Variants in IPP observed in about 807,000 individuals in gnomAD.
IPP encodes actin-binding protein IPP.
A neutral mutation model predicts 64.1 loss-of-function variants in IPP; 41 were observed. The ratio of observed to expected loss-of-function variants is 0.64; its 90% confidence interval spans 0.50 to 0.83. The LOEUF is 0.83. IPP is among the 40% of genes least tolerant of loss of function. The pLI is 0.00. For synonymous variants in IPP, 214 were observed against 235.2 expected (o/e 0.91, Z 0.83); for missense variants, 649 against 703.0 (o/e 0.92, Z 0.87).
chr1:45,732,380 A>AAAAAAAAC (rs1491248626), intron 3 of IPP, among the ~76,000 whole-genome samples: 1 of 147,460 alleles, frequency 6.8e-6, no homozygotes, highest in Admixed American at 6.8e-5. Context: ...AAAAAAAAAA[A>AAAAAAAAC]CACAAAAAAC....
rs1387112427 is a variant in IPP, at chr1:45,741,712, T to C, written c.293-380A>G. 2.7e-5 allele frequency among the ~76,000 whole-genome samples: 2 copies of C among 74,552 alleles called. 1 individual carries two copies. The highest frequency in any genetic ancestry group is 6.0e-5 in the Non-Finnish European group (2 of 33,346). The allele number at this position is 74,552 out of a possible 152,430, so 48.9% of individuals were successfully genotyped here. A position where few individuals can be genotyped will look rare whatever the true frequency, so the allele number is the denominator to read the frequency against. On this transcript the variant is annotated intron_variant, in intron 2 of 8. Transcript: ENST00000396478. ...GGCACAATCTTGGCTCACTGCAAGC[T>C]CCGCCTCCCAGGTTCACGCCATTCT...
intron 5 of IPP, among the ~76,000 whole-genome samples, chr1:45,720,767 A>C (rs1164906699): frequency 6.6e-6 from 1 of 152,244 alleles, no homozygotes; most frequent in African/African-American, 2.4e-5. Context: ...ACAATCTTTC[A>C]TGCTAGAATA....
At chr1:45,743,979 T>C (rs1646100777) in intron 2 of IPP, among the ~76,000 whole-genome samples, 1 of 149,706 alleles carries the variant, frequency 6.7e-6, no homozygotes, top group Non-Finnish European at 1.5e-5. Context: ...ATTGTGCCAC[T>C]ATACTCCAGC....
At chr1:45,739,374 T>C (rs1157103313) in intron 3 of IPP, among the ~76,000 whole-genome samples, 1 of 150,398 alleles carries the variant, frequency 6.6e-6, no homozygotes, top group Non-Finnish European at 1.5e-5. Context: ...GCAGTGACTA[T>C]AAGTGCATGC....
chr1:45,732,889 T>A (rs992746910), intron 3 of IPP, among the ~76,000 whole-genome samples: 1 of 151,826 alleles, frequency 6.6e-6, no homozygotes, highest in African/African-American at 2.4e-5. Flanking sequence ...ATGGTCTCAA[T>A]CTCCTGACCT....
chr1:45,700,567 A>C (rs1184113468), intron 8 of IPP, among the ~76,000 whole-genome samples: 1 of 151,912 alleles, frequency 6.6e-6, no homozygotes, highest in African/African-American at 2.4e-5. Flanking sequence ...TAAACTCCTA[A>C]ACTCAAGTGA....
intron 3 of IPP, among the ~76,000 whole-genome samples, chr1:45,735,615 C>T (rs1338014438): frequency 6.9e-6 from 1 of 144,808 alleles, no homozygotes; most frequent in African/African-American, 2.6e-5. Context: ...ACCACCAGAC[C>T]TGGCTATTTT....
At chr1:45,694,639 CAGT>C, downstream of IPP, 1 of 612,652 alleles carries the variant, frequency 1.6e-6, no homozygotes, top group Non-Finnish European at 3.0e-6. Flanking sequence ...GCTCTAAAGT[CAGT>C]AGGGAGCAGT....
At chr1:45,732,222 G>A (rs1177511638) in intron 3 of IPP, among the ~76,000 whole-genome samples, 1 of 151,738 alleles carries the variant, frequency 6.6e-6, no homozygotes, top group Non-Finnish European at 1.5e-5. Context: ...TTAGCTGGGC[G>A]TTGTGGTGGG....
intron 6 of IPP, 133 bp from the exon 7 acceptor site, chr1:45,717,150 G>T: frequency 3.1e-6 from 2 of 650,212 alleles, no homozygotes; most frequent in Non-Finnish European, 4.8e-6. Context: ...TCTGTTCCAC[G>T]ATCCCATGAA....
At chr1:45,737,457 CTTTTTTTTTTT>C (rs778748035) in intron 3 of IPP, among the ~76,000 whole-genome samples, 2 of 121,252 alleles carry the variant, frequency 1.6e-5, no homozygotes, top group African/African-American at 3.0e-5. Context: ...ATAAACAATT[CTTTTTTTTTTT>C]TTTTTTTTTT....
chr1:45,708,397 G>A (rs1449952846), intron 8 of IPP, among the ~76,000 whole-genome samples: 4 of 150,720 alleles, frequency 2.7e-5, no homozygotes, highest in Non-Finnish European at 5.9e-5. Context: ...AGCAACCTAG[G>A]GCCAGGCGCG....
At chr1:45,728,841 T>C (rs1170983913) in intron 4 of IPP, among the ~76,000 whole-genome samples, 2 of 152,036 alleles carry the variant, frequency 1.3e-5, no homozygotes, top group East Asian at 1.9e-4. Context: ...GAAGTTGTAA[T>C]ATGTGGCAGG....
chr1:45,698,691 TAGCAA>T (rs1645409047), downstream of IPP: 1 of 932,106 alleles, frequency 1.1e-6, no homozygotes. Flanking sequence ...GACAACAATC[TAGCAA>T]AAAAGGAAGA....
chr1:45,724,731 C>T (rs2148565515), intron 5 of IPP, among the ~76,000 whole-genome samples: 1 of 150,162 alleles, frequency 6.7e-6, no homozygotes, highest in South Asian at 2.1e-4. Flanking sequence ...AGTGAGGAAA[C>T]CCTCTGCCTG....
At chr1:45,708,789 T>G (rs1645549803) in intron 8 of IPP, among the ~76,000 whole-genome samples, 1 of 151,520 alleles carries the variant, frequency 6.6e-6, no homozygotes, top group Non-Finnish European at 1.5e-5. Context: ...CCCAGCACTT[T>G]GGGAGGCCAA....
rs769929125 is a variant in IPP, at chr1:45,714,273, A to T, written c.1503T>A (p.His501Gln). The change falls in exon 8 of 9, where the codon CAT becomes CAA. Residue 501 changes from histidine (H) to glutamine (Q), a missense_variant. By Grantham distance (24) the His-to-Gln change is conservative. Transcript: ENST00000396478. The stretch of plus-strand genomic sequence containing the variant: ...CTTCAAAGGAATATTTTTCTACAGT[A>T]TGAAGAGCATCTTGGGTCTCATTCC... ...GGWNETQDAL[H>Q]TVEKYSFEEE... 6 of 1,613,620 alleles carry T rather than the reference A, an allele frequency of 3.7e-6. No homozygotes were observed. The African/African-American group carries it at 8.0e-5, about 22-fold the overall frequency.
intron 6 of IPP, 23 bp from the exon 7 acceptor site, chr1:45,717,040 T>C (rs1001665654): frequency 6.2e-7 from 1 of 1,608,622 alleles, no homozygotes; most frequent in African/African-American, 1.3e-5. Context: ...AGAAAAATGT[T>C]TGTTTCCGGG....
chr1:45,707,797 T>C (rs943560396), intron 8 of IPP, among the ~76,000 whole-genome samples: 2 of 152,006 alleles, frequency 1.3e-5, no homozygotes, highest in Non-Finnish European at 2.9e-5. Context: ...TTTGAAAAAA[T>C]ATGGCAGAAA....
Sources: allele counts gnomAD v4.1 joint callset (sites outside exome capture counted in the v4.1 genomes callset), GRCh38; gene constraint gnomAD v4.1.1; transcripts MANE v1.5; gene names NCBI Gene and HGNC (gene_info 2026-07-23, HGNC 2026-07-21).